P4HA2: variants seen among roughly 807,000 people sequenced by gnomAD.
P4HA2 encodes the protein prolyl 4-hydroxylase subunit alpha-2.
Under a neutral mutation model 76.9 loss-of-function variants are expected in P4HA2, and 46 were observed. That is an observed-to-expected ratio of 0.60 (90% CI 0.47 to 0.76). The LOEUF (loss-of-function observed/expected upper bound fraction) is 0.76. Among genes scored for constraint, P4HA2 ranks in the 30% least tolerant of loss-of-function variants. P4HA2 has a pLI of 0.00. For missense variants in P4HA2, 583 were observed against 669.4 expected (o/e 0.87, Z 1.42); for synonymous variants, 243 against 254.0 (o/e 0.96, Z 0.41).
rs200142837 is a variant in P4HA2, at chr5:132,198,314, T to G, written c.1365+7A>C. On this transcript the variant is annotated splice_region_variant and intron_variant, in intron 12 of 14. Coordinates refer to ENST00000360568, the MANE Select transcript of P4HA2 (RefSeq NM_001017974.2). ...AATGAACAGGTGGGCCTGGACCCAG[T>G]ACTTACGTAGTTAAGAAACGTCGCT... The G allele has an allele frequency of 1.2e-6, 2 of 1,614,224 alleles. No homozygotes were observed.
At position 132,191,856 on chromosome 5, in the gene P4HA2, T is replaced by C. The variant is rs1227893169; in HGVS notation, c.*1154A>G. On this transcript the variant is annotated 3_prime_UTR_variant, in exon 15 of 15. Coordinates refer to ENST00000360568, the MANE Select transcript of P4HA2 (RefSeq NM_001017974.2). ...CAAAGACTGAAATCAATTCCAGTGT[T>C]TATCAGCAGCATGCTGCCTGTATTA... is the stretch of plus-strand genomic sequence containing the variant. 1 of 152,242 alleles carries C rather than the reference T, an allele frequency of 6.6e-6. No homozygotes were observed. The highest frequency in any genetic ancestry group is 2.4e-5 in the African/African-American group (1 of 41,466). The allele number at this position is 152,242 out of a possible 1,614,324, so 9.4% of individuals were successfully genotyped here.
intron 10 of P4HA2, chr5:132,201,973 A>C (rs997146235): frequency 6.6e-6 from 1 of 152,232 alleles, no homozygotes; most frequent in Admixed American, 6.5e-5. Flanking sequence ...ACTGGCTCTA[A>C]CACAGAGGAA....
chr5:132,214,382 G>A (rs1278622072), intron 4 of P4HA2, among the ~76,000 whole-genome samples: 2 of 152,162 alleles, frequency 1.3e-5, no homozygotes, highest in African/African-American at 4.8e-5. Flanking sequence ...AGAAGAAACA[G>A]AGGATAGAGA....
chr5:132,199,035 A>C (rs1580657924), intron 10 of P4HA2, 103 bp from the exon 11 acceptor site: 1 of 789,736 alleles, frequency 1.3e-6, no homozygotes, highest in Non-Finnish European at 2.2e-6. Flanking sequence ...AACAACCAGA[A>C]CTCCCAAGAG....
At chr5:132,211,756 T>C (rs1414145247) in intron 5 of P4HA2, among the ~76,000 whole-genome samples, 2 of 152,200 alleles carry the variant, frequency 1.3e-5, no homozygotes, top group Non-Finnish European at 2.9e-5. Flanking sequence ...TAGGTTTGTG[T>C]TGGCCTCACT....
chr5:132,210,134 C>CTGGTCCTA (rs1752864664), intron 6 of P4HA2, 150 bp downstream of exon 6: 8 of 839,016 alleles, frequency 9.5e-6, no homozygotes, highest in Non-Finnish European at 1.3e-5. Flanking sequence ...AGAAGCTGGA[C>CTGGTCCTA]TGGTCCTAAA....
rs1040042281 is a variant in P4HA2 at position 132,192,025 on chromosome 5, C to G, written c.*985G>C. ...ATACCCAAAAATATTTACTCTCATT[C>G]TATTAGTAAAAGTTCAAAATCAGGG... is the stretch of plus-strand genomic sequence containing the variant. On this transcript the variant is annotated 3_prime_UTR_variant, in exon 15 of 15. Coordinates refer to ENST00000360568, the MANE Select transcript of P4HA2 (RefSeq NM_001017974.2). 2 of 152,214 alleles carry G rather than the reference C, an allele frequency of 1.3e-5. No individual in the cohort carries two copies. The highest frequency in any genetic ancestry group is 4.8e-5 in the African/African-American group (2 of 41,440). 9.4% of individuals were successfully genotyped at this position (152,214 alleles called of 1,614,324 possible).
At chr5:132,210,868 C>A (rs2126593509) in intron 5 of P4HA2, among the ~76,000 whole-genome samples, 1 of 152,188 alleles carries the variant, frequency 6.6e-6, no homozygotes, top group Middle Eastern at 3.4e-3. Flanking sequence ...GTCTGGTGGG[C>A]AGTTTGCCAT....
rs1435574670 is a variant in P4HA2 at position 132,190,439 on chromosome 5, C to G, written c.*2571G>C. On this transcript the variant is annotated 3_prime_UTR_variant, in exon 15 of 15. Coordinates refer to ENST00000360568, the MANE Select transcript of P4HA2 (RefSeq NM_001017974.2). ...TTAGACGGCAGTAGATAGCAATTGCCCTAGACCCAGTGGTTTTTTGCATGA... is the reference window on the plus strand; with the variant it reads ...TTAGACGGCAGTAGATAGCAATTGCGCTAGACCCAGTGGTTTTTTGCATGA... Among the ~76,000 whole-genome samples, 1 of 152,144 alleles carries G rather than the reference C, an allele frequency of 6.6e-6. No individual in the cohort carries two copies. Among genetic ancestry groups the G allele is most frequent in the African/African-American group, 2.4e-5 (1 of 41,428 alleles).
intron 2 of P4HA2, among the ~76,000 whole-genome samples, 174 bp downstream of exon 2, chr5:132,218,371 A>G (rs899782362): frequency 6.6e-6 from 1 of 152,176 alleles, no homozygotes; most frequent in Non-Finnish European, 1.5e-5. Context: ...GAACATCCAG[A>G]TCATTGGGAT....
At chr5:132,205,282 T>C (rs1392184062) in intron 8 of P4HA2, among the ~76,000 whole-genome samples, 2 of 151,920 alleles carry the variant, frequency 1.3e-5, no homozygotes, top group African/African-American at 4.8e-5. Flanking sequence ...TAGAGGAACA[T>C]TACAGGAACA....
At chr5:132,212,053 C>G (rs1753162569) in intron 5 of P4HA2, among the ~76,000 whole-genome samples, 1 of 152,148 alleles carries the variant, frequency 6.6e-6, no homozygotes, top group Non-Finnish European at 1.5e-5. Context: ...GGGAGAGTGA[C>G]AGCTGAGCTG....
At chr5:132,203,421 T>C in intron 10 of P4HA2, 1 of 302,672 alleles carries the variant, frequency 3.3e-6, no homozygotes, top group East Asian at 6.5e-5. Flanking sequence ...TTTTTAGCTC[T>C]CTTAGAGATG....
At position 132,191,082 on chromosome 5, in the gene P4HA2, T is replaced by A. The variant is rs2126514380; in HGVS notation, c.*1928A>T. Among the ~76,000 whole-genome samples the A allele has an allele frequency of 6.6e-6, 1 of 152,322 alleles. No individual in the cohort carries two copies. The highest frequency in any genetic ancestry group is 1.9e-4 in the East Asian group (1 of 5,186). ...GGGCCCCCTGGTTCATAGACAGGCA[T>A]CTTCTTGCTGTGTGTTCGCATGGCA... On this transcript the variant is annotated 3_prime_UTR_variant, in exon 15 of 15. Coordinates refer to ENST00000360568, the MANE Select transcript of P4HA2 (RefSeq NM_001017974.2).
intron 1 of P4HA2, among the ~76,000 whole-genome samples, chr5:132,225,555 T>C (rs1007599738): frequency 1.4e-4 from 21 of 152,208 alleles, no homozygotes; most frequent in Admixed American, 1.0e-3. Context: ...GCTCCTCCCC[T>C]GGCACATGGC....
intron 1 of P4HA2, among the ~76,000 whole-genome samples, chr5:132,222,771 C>T (rs1754817406): frequency 6.6e-6 from 1 of 152,214 alleles, no homozygotes; most frequent in African/African-American, 2.4e-5. Context: ...CAGTCTGGTA[C>T]ATGAATAGTG....
chr5:132,201,133 T>C (rs152050), intron 10 of P4HA2: 99,398 of 152,124 alleles, frequency 0.65, 32,858 homozygotes, highest in African/African-American at 0.73. Flanking sequence ...ATTTGAAAGA[T>C]GTGGGTATTT....
chr5:132,209,214 A>T lies in P4HA2; in HGVS notation c.827T>A (p.Ile276Asn). 1 of 1,613,928 alleles carries T rather than the reference A, an allele frequency of 6.2e-7. No homozygotes were observed. Among genetic ancestry groups the T allele is most frequent in the Non-Finnish European group, 8.5e-7 (1 of 1,179,920 alleles). ...TEAELATPEG[I>N]YERPVDYLPE... is the part of the protein sequence containing the mutation. ...CAGGTAGTCCACAGGCCTCTCATAG[A>T]TGCCTTCTGGGGTTGCTAGCTCAGC... Residue 276 changes from isoleucine (I) to asparagine (N), a missense_variant, in exon 7 of 15, where the codon ATC becomes AAC. By Grantham distance (149) the Ile-to-Asn change is moderately radical. Transcript: ENST00000360568.
intron 5 of P4HA2, 43 bp downstream of exon 5, chr5:132,213,870 TAAA>T (rs1753464942): frequency 6.2e-7 from 1 of 1,603,914 alleles, no homozygotes; most frequent in Non-Finnish European, 8.5e-7. Context: ...GTCCCGCCAC[TAAA>T]GAGACACATG....
Sources: allele counts gnomAD v4.1 joint callset (sites outside exome capture counted in the v4.1 genomes callset), GRCh38; gene constraint gnomAD v4.1.1; transcripts MANE v1.5; gene names NCBI Gene and HGNC (gene_info 2026-07-23, HGNC 2026-07-21).